Variants in DIPK2B observed in about 807,000 individuals in gnomAD.
The protein encoded by DIPK2B is divergent protein kinase domain 2B.
In DIPK2B, 15 loss-of-function variants were observed where a neutral mutation model predicts 22.2. The ratio of observed to expected loss-of-function variants is 0.68; its 90% CI spans 0.45 to 1.04. The LOEUF (loss-of-function observed/expected upper bound fraction) is 1.04. DIPK2B is among the 50% of genes least tolerant of loss of function. The probability of loss-of-function intolerance (pLI) is 0.00; values close to 1 mark genes in which losing one functional copy is unlikely to be tolerated. For synonymous variants in DIPK2B, 163 were observed against 153.2 expected (o/e 1.06, Z -0.47); for missense variants, 345 against 348.3 (o/e 0.99, Z 0.08).
intron 3 of DIPK2B, among the ~76,000 whole-genome samples, chrX:45,155,422 CAAA>C (rs796781059): frequency 2.2e-5 from 2 of 89,067 alleles, no homozygotes; most frequent in Admixed American, 1.2e-4. Flanking sequence ...GACTCTGTCT[CAAA>C]AAAAAAATAT....
Position 45,149,442 on chromosome X carries a change from C to T in DIPK2B, c.*2210G>A, listed in dbSNP as rs1356994014. ...GTCTCAGGCAGCCCAAGCTTGCTGG[C>T]CAGTCCACAAGCTTGGCCAGTCATC... On this transcript the variant is annotated 3_prime_UTR_variant, in exon 5 of 5. Coordinates refer to ENST00000398000, the MANE Select transcript of DIPK2B (RefSeq NM_176819.4). The T allele has an allele frequency of 8.8e-6, 1 of 113,109 alleles. No homozygotes were observed. The highest frequency in any genetic ancestry group is 1.9e-5 in the Non-Finnish European group (1 of 53,390). 9.3% of individuals were successfully genotyped at this position (113,109 alleles called of 1,213,427 possible). A position where few individuals can be genotyped will look rare whatever the true frequency, so the allele number is the denominator to read the frequency against.
chrX:45,175,581 G>A (rs890914542), intron 2 of DIPK2B, among the ~76,000 whole-genome samples: 54 of 97,658 alleles, frequency 5.5e-4, no homozygotes, highest in African/African-American at 1.8e-3. Flanking sequence ...ATATATATAC[G>A]TATATGTTTA....
At chrX:45,192,189 G>A (rs945027722) in intron 1 of DIPK2B, among the ~76,000 whole-genome samples, 174 bp from the exon 2 acceptor site, 3 of 112,000 alleles carry the variant, frequency 2.7e-5, no homozygotes, top group Non-Finnish European at 3.8e-5. Flanking sequence ...TTACGGTAGT[G>A]TATATGTCAT....
intron 2 of DIPK2B, among the ~76,000 whole-genome samples, chrX:45,176,205 C>T (rs1331659182): frequency 9.0e-6 from 1 of 110,996 alleles, no homozygotes; most frequent in African/African-American, 3.3e-5. Flanking sequence ...GACAGGACCT[C>T]AGGAAGCCAG....
intron 2 of DIPK2B, among the ~76,000 whole-genome samples, chrX:45,186,044 A>G (rs2047182080): frequency 8.9e-6 from 1 of 111,949 alleles, no homozygotes; most frequent in Non-Finnish European, 1.9e-5. Flanking sequence ...CTTTTCTATG[A>G]GACTGTGACA....
intron 2 of DIPK2B, among the ~76,000 whole-genome samples, chrX:45,165,454 C>T (rs1167588889): frequency 2.7e-5 from 3 of 111,158 alleles, no homozygotes; most frequent in South Asian, 3.9e-4. Context: ...CATCACATCT[C>T]GGAGCCCACT....
At chrX:45,189,587 G>A (rs189711109) in intron 2 of DIPK2B, among the ~76,000 whole-genome samples, 7 of 106,810 alleles carry the variant, frequency 6.6e-5, no homozygotes, top group African/African-American at 2.1e-4. Flanking sequence ...CACTCCAGCC[G>A]GGGTGACAAG....
At position 45,200,754 on chromosome X, in the gene DIPK2B, C is replaced by A. The variant is rs199728771; in HGVS notation, c.73G>T (p.Ala25Ser). The change falls in exon 1 of 5, where the codon GCC becomes TCC. Residue 25 changes from alanine to serine, a missense_variant. Ala to Ser is a moderately conservative substitution (Grantham distance 99). Transcript: ENST00000398000. ...GWLALLLWVSALSCSFSLPAS... is the reference protein window; with the variant it reads ...GWLALLLWVSSLSCSFSLPAS... ...GGCAAGGAGAAAGAACAGCTCAGGG[C>A]TGAGACCCACAGCAGCAGGGCCAGC... 1 of 1,211,000 alleles carries A rather than the reference C, an allele frequency of 8.3e-7. No individual in the cohort carries two copies. The highest frequency in any genetic ancestry group is 3.0e-5 in the East Asian group (1 of 33,808).
chrX:45,185,057 C>T (rs960106714), intron 2 of DIPK2B, among the ~76,000 whole-genome samples: 3 of 112,148 alleles, frequency 2.7e-5, no homozygotes, highest in African/African-American at 6.5e-5. Context: ...AACACAATCA[C>T]GGTAGCACAA....
chrX:45,187,453 C>T (rs4072570), intron 2 of DIPK2B, among the ~76,000 whole-genome samples: 15,277 of 88,523 alleles, frequency 0.17, 1,171 homozygotes, highest in Non-Finnish European at 0.26. Flanking sequence ...TACACATGCT[C>T]GAGGGCGCGC....
intron 2 of DIPK2B, among the ~76,000 whole-genome samples, chrX:45,164,443 C>T (rs1224725627): frequency 9.0e-6 from 1 of 111,349 alleles, no homozygotes; most frequent in Non-Finnish European, 1.9e-5. Flanking sequence ...ATGCTCCTGG[C>T]CAGGTGTGGT....
chrX:45,197,996 TTAAA>T (rs891324776), intron 1 of DIPK2B, among the ~76,000 whole-genome samples: 1 of 112,560 alleles, frequency 8.9e-6, no homozygotes, highest in African/African-American at 3.2e-5. Context: ...GCTTAAATAG[TTAAA>T]TAAATTATGG....
At chrX:45,189,940 T>C (rs1179050801) in intron 2 of DIPK2B, among the ~76,000 whole-genome samples, 1 of 112,023 alleles carries the variant, frequency 8.9e-6, no homozygotes, top group Non-Finnish European at 1.9e-5. Context: ...TTTTCTGGTT[T>C]TGGCTGTGTC....
intron 2 of DIPK2B, among the ~76,000 whole-genome samples, chrX:45,172,517 G>T (rs759791199): frequency 9.0e-6 from 1 of 111,420 alleles, no homozygotes; most frequent in African/African-American, 3.3e-5. Flanking sequence ...GGAGGTGGTA[G>T]CTAACTTTCC....
intron 2 of DIPK2B, among the ~76,000 whole-genome samples, chrX:45,175,829 G>A (rs2047115067): frequency 9.4e-6 from 1 of 106,783 alleles, no homozygotes; most frequent in Non-Finnish European, 1.9e-5. Flanking sequence ...AACTGGAAAG[G>A]GAAACGATCC....
intron 2 of DIPK2B, chrX:45,163,137 G>T: frequency 9.8e-6 from 2 of 203,748 alleles, no homozygotes; most frequent in Non-Finnish European, 1.5e-5. Flanking sequence ...AGGTAATCTG[G>T]GTGGGCCTGA....
In DIPK2B at chrX:45,157,731, T is replaced by A; in HGVS notation, c.656A>T (p.His219Leu). The change falls in exon 3 of 5, where the codon CAC (histidine) becomes CTC (leucine). Residue 219 changes from histidine (H) to leucine (L), a missense_variant. By Grantham distance (99) the His-to-Leu change is moderately conservative. Coordinates refer to ENST00000398000, the MANE Select transcript of DIPK2B (RefSeq NM_176819.4). ...GCTGCATACCTGTAGGAGGATGGGG[T>A]GCGAGTTGACAGCCAGCGTGTAGAG... ...RLLYTLAVNSHPILLQIFPGA... is the reference protein window; with the variant it reads ...RLLYTLAVNSLPILLQIFPGA... The A allele has an allele frequency of 8.4e-7, 1 of 1,195,314 alleles. No homozygotes were observed. Among genetic ancestry groups the A allele is most frequent in the Non-Finnish European group, 1.1e-6 (1 of 887,469 alleles).
At chrX:45,159,489 A>G (rs974648489) in intron 2 of DIPK2B, among the ~76,000 whole-genome samples, 2 of 111,841 alleles carry the variant, frequency 1.8e-5, no homozygotes, top group Non-Finnish European at 3.8e-5. Context: ...AAATAAAGAT[A>G]AGGGAGCCAG....
chrX:45,151,586 A>G lies in DIPK2B; in HGVS notation c.*66T>C. 9.5e-7 allele frequency: 1 copy of G among 1,053,061 alleles called. No homozygotes were observed. The highest frequency in any genetic ancestry group is 1.3e-6 in the Non-Finnish European group (1 of 774,096). 86.8% of individuals were successfully genotyped at this position (1,053,061 alleles called of 1,213,427 possible). ...AAAGAGCTGCTTCTTTCTACCTTGC[A>G]GCAACCCGACTGGGAGAATGGAGAG... On this transcript the variant is annotated 3_prime_UTR_variant, in exon 5 of 5. Coordinates refer to ENST00000398000, the MANE Select transcript of DIPK2B (RefSeq NM_176819.4).
Sources: allele counts gnomAD v4.1 joint callset (sites outside exome capture counted in the v4.1 genomes callset), GRCh38; gene constraint gnomAD v4.1.1; transcripts MANE v1.5; gene names NCBI Gene and HGNC (gene_info 2026-07-23, HGNC 2026-07-21).